The following PCDH15 variants were observed in gnomAD, a reference collection of about 807,000 sequenced individuals.
PCDH15 encodes protocadherin related 15.
In PCDH15, 129 loss-of-function variants were observed where a neutral mutation model predicts 178.5. That is an observed-to-expected ratio of 0.72 (90% confidence interval 0.63 to 0.84). PCDH15 has a LOEUF of 0.84. PCDH15 is among the 40% of genes least tolerant of loss of function. The pLI is 0.00. For missense variants in PCDH15, 2,230 were observed against 2,099.9 expected, an observed-to-expected ratio of 1.06 and a Z score of -1.21; for synonymous variants, 800 against 732.0, an observed-to-expected ratio of 1.09 and a Z score of -1.50.
chr10:53,823,374 G>C, intron 32 of PCDH15: 1 of 1,606,312 alleles, frequency 6.2e-7, no homozygotes, highest in African/African-American at 1.3e-5. Context: ...AAGAAAAGAA[G>C]ATAATGAAAT....
At chr10:55,247,224 A>G (rs1007607194) in intron 1 of PCDH15, among the ~76,000 whole-genome samples, 1 of 152,202 alleles carries the variant, frequency 6.6e-6, no homozygotes, top group Non-Finnish European at 1.5e-5. Context: ...CACTTTGTTT[A>G]AACTCTCTCA....
chr10:55,372,727 C>G (rs559808572), intron 2 of PCDH15, among the ~76,000 whole-genome samples: 2 of 152,136 alleles, frequency 1.3e-5, no homozygotes, highest in Non-Finnish European at 2.9e-5. Context: ...AACCACTTCT[C>G]TCATATCACC....
intron 32 of PCDH15, chr10:53,823,693 T>C (rs41274626): frequency 3.9e-5 from 18 of 466,516 alleles, no homozygotes; most frequent in South Asian, 2.2e-4. Flanking sequence ...AGTTCCCTTA[T>C]GCACAAATCA....
chr10:54,530,598 C>A (rs1325018809), intron 2 of PCDH15, among the ~76,000 whole-genome samples: 1 of 152,132 alleles, frequency 6.6e-6, no homozygotes, highest in African/African-American at 2.4e-5. Flanking sequence ...TCCATGAGAG[C>A]AGCTCAGAAG....
At chr10:55,310,193 T>G (rs528817784) in intron 1 of PCDH15, among the ~76,000 whole-genome samples, 1 of 152,298 alleles carries the variant, frequency 6.6e-6, no homozygotes, top group African/African-American at 2.4e-5. Flanking sequence ...TTCCTTTATT[T>G]ATTTCTTATA....
intron 1 of PCDH15, among the ~76,000 whole-genome samples, chr10:55,265,294 T>C (rs999995554): frequency 2.8e-5 from 4 of 145,330 alleles, no homozygotes; most frequent in African/African-American, 1.1e-4. Context: ...GTGATAGATA[T>C]AGAGATGTAT....
intron 7 of PCDH15, among the ~76,000 whole-genome samples, chr10:54,325,247 G>A (rs903235744): frequency 9.2e-5 from 14 of 151,938 alleles, no homozygotes; most frequent in African/African-American, 1.5e-4. Context: ...GATTCTCTTC[G>A]AAAATCAAAT....
At chr10:54,625,928 G>T (rs1256938046) in intron 2 of PCDH15, among the ~76,000 whole-genome samples, 1 of 152,262 alleles carries the variant, frequency 6.6e-6, no homozygotes, top group Middle Eastern at 3.4e-3. Context: ...AATGCTGATA[G>T]TGATATGAAC....
intron 3 of PCDH15, among the ~76,000 whole-genome samples, chr10:54,823,155 TACAGGCGTGA>T (rs1258033652): frequency 6.6e-6 from 1 of 152,114 alleles, no homozygotes; most frequent in African/African-American, 2.4e-5. Flanking sequence ...ATGCTGGGAT[TACAGGCGTGA>T]GCCTGTAATG....
intron 25 of PCDH15, 85 bp downstream of exon 25, chr10:53,938,730 G>T (rs2085791230): frequency 2.9e-6 from 4 of 1,402,970 alleles, no homozygotes; most frequent in Non-Finnish European, 4.0e-6. Flanking sequence ...CACTGAGAAT[G>T]ATATTTTAGA....
intron 26 of PCDH15, among the ~76,000 whole-genome samples, chr10:53,871,234 G>T (rs1011311305): frequency 6.6e-6 from 1 of 151,708 alleles, no homozygotes; most frequent in African/African-American, 2.4e-5. Context: ...CCAGCTACTC[G>T]GGAGGCTAAG....
chr10:54,410,153 G>T (rs10430539), intron 3 of PCDH15, among the ~76,000 whole-genome samples: 119,994 of 151,392 alleles, frequency 0.79, 48,297 homozygotes, highest in East Asian at 0.97. Context: ...AGGAAAACAG[G>T]GCTGGGTTGA....
intron 4 of PCDH15, 38 bp downstream of exon 4, chr10:54,378,744 A>G (rs1948805118): frequency 6.3e-7 from 1 of 1,596,834 alleles, no homozygotes; most frequent in African/African-American, 1.3e-5. Context: ...AATTATAATA[A>G]ACTTATATTA....
chr10:54,091,471 A>G (rs2094599672), intron 15 of PCDH15, among the ~76,000 whole-genome samples: 1 of 152,184 alleles, frequency 6.6e-6, no homozygotes, highest in African/African-American at 2.4e-5. Context: ...TCTTAGTGGT[A>G]GATCAGTTGG....
At chr10:54,527,042 A>G (rs906109499) in intron 3 of PCDH15, among the ~76,000 whole-genome samples, 1 of 152,184 alleles carries the variant, frequency 6.6e-6, no homozygotes, top group Non-Finnish European at 1.5e-5. Context: ...CTATCATGTA[A>G]TTAGCAGACA....
At chr10:54,495,718 C>T (rs1470444514) in intron 3 of PCDH15, among the ~76,000 whole-genome samples, 1 of 152,050 alleles carries the variant, frequency 6.6e-6, no homozygotes, top group African/African-American at 2.4e-5. Context: ...TTATCTTCCC[C>T]CATCCATGCA....
chr10:54,380,731 T>TATACATATATATATATAC (rs56903676), intron 3 of PCDH15, among the ~76,000 whole-genome samples: 1 of 51,980 alleles, frequency 1.9e-5, no homozygotes, highest in Admixed American at 2.6e-4. Context: ...TATATATATA[T>TATACATATATATATATAC]ATATATATAT....
chr10:54,517,298 G>A (rs944570056), intron 3 of PCDH15, among the ~76,000 whole-genome samples: 1 of 152,120 alleles, frequency 6.6e-6, no homozygotes, highest in Non-Finnish European at 1.5e-5. Flanking sequence ...CCATCAGTGT[G>A]CTATATTCAG....
At chr10:55,598,551 T>TATATATATATATATAGATAGATAG (rs1842989497) in intron 2 of PCDH15, among the ~76,000 whole-genome samples, 1 of 64,912 alleles carries the variant, frequency 1.5e-5, no homozygotes, top group African/African-American at 7.6e-5. Flanking sequence ...TATATATATA[T>TATATATATATATATAGATAGATAG]ATATATATAT....
Sources: gnomAD v4.1 joint callset for allele counts (sites outside exome capture counted in the v4.1 genomes callset) on GRCh38, gnomAD v4.1.1 for gene constraint, MANE v1.5 for transcripts, NCBI Gene and HGNC (gene_info 2026-07-23, HGNC 2026-07-21) for gene names.